NUP155: variants seen among roughly 807,000 people sequenced by gnomAD.
NUP155 encodes nucleoporin 155, also known as nuclear pore complex protein Nup155.
A neutral mutation model predicts 180.4 loss-of-function variants in NUP155; 71 were observed. The ratio of observed to expected loss-of-function variants is 0.39; its 90% CI spans 0.33 to 0.48. The LOEUF is 0.48. NUP155 is among the 20% of genes least tolerant of loss of function. NUP155 has a pLI of 0.91. For synonymous variants in NUP155, 582 were observed against 559.5 expected, an observed-to-expected ratio of 1.04 and a Z score of -0.57; for missense variants, 1,553 against 1,648.9, an observed-to-expected ratio of 0.94 and a Z score of 1.01.
rs59572976 is a variant in NUP155 at position 37,308,875 on chromosome 5, CAAAAAAAAAAAAAAAAAA to C, written c.2767+236_2767+253del. 4.4e-5 allele frequency among the ~76,000 whole-genome samples: 3 copies of C among 68,862 alleles called. No homozygotes were observed. The South Asian group carries it at 1.3e-3, about 30-fold the overall frequency. 45.2% of individuals were successfully genotyped at this position (68,862 alleles called of 152,430 possible). On this transcript the variant is annotated intron_variant, in intron 24 of 34. Coordinates refer to ENST00000231498, the MANE Select transcript of NUP155 (RefSeq NM_153485.3). ...AGCCTGGCTGACAGAGCGAGACTCTCAAAAAAAAAAAAAAAAAAAAAAAAAAGTACATTTCAAAAAATA... is the reference window on the plus strand; with the variant it reads ...AGCCTGGCTGACAGAGCGAGACTCTCAAAAAAAAGTACATTTCAAAAAATA...
In NUP155 at chr5:37,327,603, AATTCAT is replaced by A; in HGVS notation, c.2024+20_2024+25del. ...CTCAAGATGGGACAAGGTGAGCAATAATTCATTATTTCATGACAAACTTACCCCATG... is the reference window on the plus strand; with the variant it reads ...CTCAAGATGGGACAAGGTGAGCAATATATTTCATGACAAACTTACCCCATG... On this transcript the variant is annotated intron_variant, in intron 18 of 34. Coordinates refer to ENST00000231498, the MANE Select transcript of NUP155 (RefSeq NM_153485.3). 6.2e-7 allele frequency: 1 copy of A among 1,612,682 alleles called. No individual in the cohort carries two copies. Among genetic ancestry groups the A allele is most frequent in the South Asian group, 1.1e-5 (1 of 91,044 alleles).
At chr5:37,298,753 G>T (rs1581129699) in intron 32 of NUP155, 115 bp downstream of exon 32, 4 of 711,482 alleles carry the variant, frequency 5.6e-6, no homozygotes, top group Middle Eastern at 2.3e-4. Flanking sequence ...TTAAAGTGCT[G>T]AACTAAATAG....
At chr5:37,299,600 A>C (rs369278302) in intron 30 of NUP155, 32 bp from the exon 31 acceptor site, 126 of 1,609,148 alleles carry the variant, frequency 7.8e-5, no homozygotes, top group Admixed American at 1.3e-4. Flanking sequence ...TTAACATCCA[A>C]CTAGAGATCA....
At chr5:37,341,055 T>A (rs1294031746) in intron 11 of NUP155, 35 bp downstream of exon 11, 1 of 1,502,000 alleles carries the variant, frequency 6.7e-7, no homozygotes, top group Non-Finnish European at 9.2e-7. Flanking sequence ...ATTTTAAGAA[T>A]ATAATCTTAA....
intron 32 of NUP155, among the ~76,000 whole-genome samples, chr5:37,295,316 C>T (rs569496465): frequency 0.022 from 3,410 of 152,268 alleles, 60 homozygotes; most frequent in Non-Finnish European, 0.034. Context: ...CCAGAGGTGC[C>T]GGGATTGCAG....
intron 22 of NUP155, among the ~76,000 whole-genome samples, chr5:37,312,384 C>G (rs1490683878): frequency 2.6e-5 from 4 of 150,982 alleles, no homozygotes; most frequent in Admixed American, 2.6e-4. Context: ...AAAAAAAAAG[C>G]CTTAGAATGT....
intron 3 of NUP155, among the ~76,000 whole-genome samples, chr5:37,361,264 T>TC (rs1747198013): frequency 2.7e-5 from 1 of 36,990 alleles, no homozygotes; most frequent in African/African-American, 3.3e-4. Flanking sequence ...AGACTCTGTC[T>TC]CAAAAAAAAA....
chr5:37,331,619 C>T, intron 14 of NUP155, 66 bp downstream of exon 14: 2 of 841,088 alleles, frequency 2.4e-6, no homozygotes, highest in Non-Finnish European at 3.9e-6. Context: ...TCCCAATTTA[C>T]ATAAACTATG....
At chr5:37,342,899 G>A (rs1029013631) in intron 9 of NUP155, among the ~76,000 whole-genome samples, 2 of 151,982 alleles carry the variant, frequency 1.3e-5, no homozygotes, top group Admixed American at 6.6e-5. Flanking sequence ...AGCACGCCCA[G>A]GTAATTTTTG....
intron 12 of NUP155, among the ~76,000 whole-genome samples, chr5:37,333,993 G>A (rs1409946200): frequency 2.0e-5 from 3 of 151,566 alleles, no homozygotes; most frequent in Non-Finnish European, 1.5e-5. Flanking sequence ...TGGGGACGGG[G>A]TTTCTCCATG....
chr5:37,311,832 C>G (rs1743547417), intron 22 of NUP155, among the ~76,000 whole-genome samples: 1 of 152,014 alleles, frequency 6.6e-6, no homozygotes, highest in African/African-American at 2.4e-5. Context: ...CCAGCCTGGC[C>G]AACATGGCGA....
intron 9 of NUP155, among the ~76,000 whole-genome samples, chr5:37,345,612 T>C (rs914908668): frequency 2.1e-5 from 3 of 143,660 alleles, no homozygotes; most frequent in Non-Finnish European, 4.5e-5. Flanking sequence ...AGATAAAGAG[T>C]GTATTAGTTT....
chr5:37,323,216 C>T (rs753649089), intron 20 of NUP155, among the ~76,000 whole-genome samples: 1 of 152,132 alleles, frequency 6.6e-6, no homozygotes, highest in East Asian at 1.9e-4. Flanking sequence ...ACCTGGGAGG[C>T]GGAGGTTGCT....
intron 3 of NUP155, among the ~76,000 whole-genome samples, chr5:37,360,266 G>A (rs1319014301): frequency 4.0e-5 from 6 of 151,294 alleles, no homozygotes; most frequent in Admixed American, 6.6e-5. Context: ...GGTGGATCAC[G>A]AGGTCAGGAG....
Position 37,370,804 on chromosome 5 carries a change from G to A in NUP155, c.157+17C>T, listed in dbSNP as rs769082301. ...GAGAGTCCTTTAGGTTGAGAAAGCA[G>A]GGTCACTATCACTCACTTGGGGCAG... On this transcript the variant is annotated intron_variant, in intron 1 of 34. Coordinates refer to ENST00000231498, the MANE Select transcript of NUP155 (RefSeq NM_153485.3). 1 of 1,614,148 alleles carries A rather than the reference G, an allele frequency of 6.2e-7. No individual in the cohort carries two copies. Among genetic ancestry groups the A allele is most frequent in the Non-Finnish European group, 8.5e-7 (1 of 1,180,038 alleles).
Position 37,291,834 on chromosome 5 carries a change from G to A in NUP155, c.*66C>T, listed in dbSNP as rs1742246717. On this transcript the variant is annotated 3_prime_UTR_variant, in exon 35 of 35. Coordinates refer to ENST00000231498, the MANE Select transcript of NUP155 (RefSeq NM_153485.3). ...TTACATTCTTAGATTTAGAACACCT[G>A]ATATCTGGACCCAGCTGAGTTTTTA... The A allele has an allele frequency of 2.5e-5, 36 of 1,446,336 alleles. No homozygotes were observed. In the South Asian group the frequency reaches 3.8e-4, roughly 15 times the overall value. The allele number at this position is 1,446,336 out of a possible 1,614,324, so 89.6% of individuals were successfully genotyped here.
chr5:37,360,047 G>A (rs1747096381), intron 3 of NUP155, among the ~76,000 whole-genome samples: 1 of 152,092 alleles, frequency 6.6e-6, no homozygotes, highest in South Asian at 2.1e-4. Context: ...GAACCTGGGA[G>A]GTGGAGGTTG....
intron 23 of NUP155, 93 bp from the exon 24 acceptor site, chr5:37,309,360 A>G (rs1042801227): frequency 9.7e-7 from 1 of 1,027,850 alleles, no homozygotes. Context: ...CTAAATTTAT[A>G]TATGGTTATT....
intron 7 of NUP155, 127 bp downstream of exon 7, chr5:37,350,033 T>C (rs1446835267): frequency 5.4e-6 from 4 of 736,548 alleles, no homozygotes; most frequent in Non-Finnish European, 7.3e-6. Flanking sequence ...ACCTTATGAA[T>C]ATATAAGAAA....
Sources: allele counts gnomAD v4.1 joint callset (sites outside exome capture counted in the v4.1 genomes callset), GRCh38; gene constraint gnomAD v4.1.1; transcripts MANE v1.5; gene names NCBI Gene and HGNC (gene_info 2026-07-23, HGNC 2026-07-21).